The following IRGM variants were observed in gnomAD, a reference collection of about 807,000 sequenced individuals.
The protein encoded by IRGM is immunity related GTPase M, also known as immunity-related GTPase family M protein.
For missense variants in IRGM, 288 were observed against 219.9 expected, an observed-to-expected ratio of 1.31 and a Z score of -1.96; for synonymous variants, 98 against 80.6, an observed-to-expected ratio of 1.22 and a Z score of -1.16.
Position 150,848,652 on chromosome 5 carries a change from C to T in IRGM, c.529C>T (p.Arg177Trp), listed in dbSNP as rs777611759. ...TGTCCTGGAAAATCTCCAGAAGGAGCGGGTATGTGAATACTAATTCCTGTC... is the reference window on the plus strand; with the variant it reads ...TGTCCTGGAAAATCTCCAGAAGGAGTGGGTATGTGAATACTAATTCCTGTC... ...ENVLENLQKE[R>W]VCEY is the part of the protein sequence containing the mutation. The change falls in exon 2 of 2, where the codon CGG becomes TGG. Residue 177 changes from arginine (R) to tryptophan (W), a missense_variant. Physicochemically the swap from Arg to Trp is moderately radical, Grantham distance 101. Coordinates refer to ENST00000522154, the MANE Select transcript of IRGM (RefSeq NM_001145805.2). 50 of 1,537,292 alleles carry T rather than the reference C, an allele frequency of 3.3e-5. No homozygotes were observed. Among genetic ancestry groups the T allele is most frequent in the South Asian group, 1.2e-4 (10 of 82,768 alleles).
intron 3 of IRGM, chr5:150,898,521 A>T (rs1197491781): frequency 1.2e-6 from 2 of 1,612,858 alleles, no homozygotes; most frequent in Non-Finnish European, 1.7e-6. Context: ...TCCTGGGTGA[A>T]ATCCACAGCC....
chr5:150,864,520 CT>C (rs949763425), intron 1 of IRGM, among the ~76,000 whole-genome samples: 6 of 152,170 alleles, frequency 3.9e-5, no homozygotes, highest in African/African-American at 1.4e-4. Flanking sequence ...TTTCAAATCT[CT>C]TTACAATTCA....
At chr5:150,880,714 A>T (rs1003451361) in intron 3 of IRGM, among the ~76,000 whole-genome samples, 5 of 152,282 alleles carry the variant, frequency 3.3e-5, no homozygotes, top group East Asian at 3.9e-4. Context: ...TTCACTTTTC[A>T]TGTGGGAAAA....
At chr5:150,868,700 G>T (rs1754240087) in intron 1 of IRGM, among the ~76,000 whole-genome samples, 1 of 151,934 alleles carries the variant, frequency 6.6e-6, no homozygotes, top group African/African-American at 2.4e-5. Context: ...CCTTGGTTAG[G>T]TATATTCCTA....
chr5:150,853,606 T>G (rs973169081), downstream of IRGM, among the ~76,000 whole-genome samples: 1 of 152,120 alleles, frequency 6.6e-6, no homozygotes, highest in African/African-American at 2.4e-5. Context: ...ATGTTTATAA[T>G]TATTATATCT....
At chr5:150,849,292 A>G (rs1227806633), downstream of IRGM, among the ~76,000 whole-genome samples, 1 of 152,218 alleles carries the variant, frequency 6.6e-6, no homozygotes, top group Non-Finnish European at 1.5e-5. Context: ...AGTTTAAACT[A>G]TGGTTTGTAA....
intron 1 of IRGM, among the ~76,000 whole-genome samples, chr5:150,860,318 A>G (rs1300070050): frequency 6.6e-6 from 1 of 152,240 alleles, no homozygotes; most frequent in African/African-American, 2.4e-5. Context: ...TGTTTTATGA[A>G]TAAGTGGTTT....
chr5:150,856,455 TATAAA>T (rs566058620), intron 1 of IRGM, among the ~76,000 whole-genome samples: 283 of 152,118 alleles, frequency 1.9e-3, no homozygotes, highest in African/African-American at 5.5e-3. Context: ...AAATAAAAAT[TATAAA>T]ATAAAATAAA....
chr5:150,864,944 A>G, intron 1 of IRGM, among the ~76,000 whole-genome samples: 1 of 152,222 alleles, frequency 6.6e-6, no homozygotes, highest in South Asian at 2.1e-4. Context: ...TGAAAACCCC[A>G]GGACCAGAGT....
intron 1 of IRGM, among the ~76,000 whole-genome samples, chr5:150,877,759 G>T (rs1361841193): frequency 6.6e-6 from 1 of 152,112 alleles, no homozygotes; most frequent in Non-Finnish European, 1.5e-5. Flanking sequence ...ACTTCACTCT[G>T]CAACCTTATG....
chr5:150,880,991 G>T (rs1754436079), intron 3 of IRGM, among the ~76,000 whole-genome samples: 1 of 152,046 alleles, frequency 6.6e-6, no homozygotes, highest in Non-Finnish European at 1.5e-5. Context: ...GCCTGGCGTG[G>T]TGGCACATGC....
At chr5:150,855,627 C>CT (rs1209219102) in intron 1 of IRGM, among the ~76,000 whole-genome samples, 1 of 152,138 alleles carries the variant, frequency 6.6e-6, no homozygotes, top group African/African-American at 2.4e-5. Context: ...ATGGTAGATT[C>CT]TTTAAGGCAC....
rs767223919 is a variant in IRGM, at chr5:150,895,648, A to G, written c.*141-4941A>G. On this transcript the variant is annotated intron_variant and NMD_transcript_variant, in intron 3 of 3. Transcript: ENST00000520549. Reference sequence around the variant, plus strand: ...TGTCCCGGAAGGTGGGACTTCTGAGAGAAGGCTTTCCCACATTCAGTACAT... The same window carrying G: ...TGTCCCGGAAGGTGGGACTTCTGAGGGAAGGCTTTCCCACATTCAGTACAT... 1.7e-5 allele frequency: 27 copies of G among 1,613,076 alleles called. No individual in the cohort carries two copies. The highest frequency in any genetic ancestry group is 6.7e-5 in the African/African-American group (5 of 74,854).
At chr5:150,885,771 C>T (rs1326817283) in intron 3 of IRGM, among the ~76,000 whole-genome samples, 1 of 152,070 alleles carries the variant, frequency 6.6e-6, no homozygotes, top group Non-Finnish European at 1.5e-5. Flanking sequence ...ATTTTGCATC[C>T]TGAAACTTGC....
At chr5:150,878,405 T>C (rs1754396921) in intron 2 of IRGM, among the ~76,000 whole-genome samples, 1 of 152,090 alleles carries the variant, frequency 6.6e-6, no homozygotes, top group South Asian at 2.1e-4. Context: ...CATTATTGTC[T>C]TCAGGAATAA....
In IRGM at chr5:150,896,212, G is replaced by A; in HGVS notation, c.*141-4377G>A. ...TTTTCCCCAGTGTGAACTCTCTGAT[G>A]TATAATAAGGGACGATTTCTGAGAG... On this transcript the variant is annotated intron_variant and NMD_transcript_variant, in intron 3 of 3. Transcript: ENST00000520549. 1 of 1,613,634 alleles carries A rather than the reference G, an allele frequency of 6.2e-7. No homozygotes were observed. Among genetic ancestry groups the A allele is most frequent in the Non-Finnish European group, 8.5e-7 (1 of 1,179,784 alleles).
intron 1 of IRGM, among the ~76,000 whole-genome samples, chr5:150,871,881 G>A (rs1386111713): frequency 2.6e-5 from 4 of 152,126 alleles, no homozygotes; most frequent in Non-Finnish European, 4.4e-5. Flanking sequence ...GGCTCTGCCC[G>A]GAGCTCATTG....
At chr5:150,870,509 CTT>C (rs60200385) in intron 1 of IRGM, among the ~76,000 whole-genome samples, 8,912 of 135,508 alleles carry the variant, frequency 0.066, 346 homozygotes, top group East Asian at 0.19. Flanking sequence ...TATACAACTC[CTT>C]TTTTTTTTTT....
downstream of IRGM, among the ~76,000 whole-genome samples, chr5:150,853,608 A>G (rs57947188): frequency 0.21 from 32,004 of 151,982 alleles, 4,472 homozygotes; most frequent in East Asian, 0.61. Context: ...GTTTATAATT[A>G]TTATATCTTA....
Sources: gnomAD v4.1 joint callset for allele counts (sites outside exome capture counted in the v4.1 genomes callset) on GRCh38, gnomAD v4.1.1 for gene constraint, MANE v1.5 for transcripts, NCBI Gene and HGNC (gene_info 2026-07-23, HGNC 2026-07-21) for gene names.